TSHZ2: variants seen among roughly 807,000 people sequenced by gnomAD.
TSHZ2 encodes teashirt homolog 2.
In TSHZ2, 21 loss-of-function variants were observed where a neutral mutation model predicts 74.4. The observed-to-expected ratio is 0.28, with a 90% CI of 0.20 to 0.41. The LOEUF (loss-of-function observed/expected upper bound fraction) is 0.41, where lower values mean the gene tolerates loss of function less well. Among genes scored for constraint, TSHZ2 ranks in the 10% least tolerant of loss-of-function variants. TSHZ2 has a pLI of 1.00. For missense variants in TSHZ2, 1,244 were observed against 1,293.5 expected, an observed-to-expected ratio of 0.96 and a Z score of 0.59; for synonymous variants, 540 against 515.3, an observed-to-expected ratio of 1.05 and a Z score of -0.65.
intron 1 of TSHZ2, among the ~76,000 whole-genome samples, chr20:53,183,976 G>A (rs1311653169): frequency 1.3e-5 from 2 of 152,128 alleles, no homozygotes; most frequent in Non-Finnish European, 2.9e-5. Flanking sequence ...AGGGAGTCCT[G>A]CCTGGCAGCA....
chr20:53,018,403 C>T (rs952938237), intron 1 of TSHZ2, among the ~76,000 whole-genome samples: 2 of 152,204 alleles, frequency 1.3e-5, no homozygotes, highest in African/African-American at 2.4e-5. Context: ...AGGTCACCTG[C>T]TCCACTGCTA....
chr20:53,029,868 C>T (rs1983575256), intron 1 of TSHZ2, among the ~76,000 whole-genome samples: 1 of 151,822 alleles, frequency 6.6e-6, no homozygotes, highest in Non-Finnish European at 1.5e-5. Context: ...TTTTTGATAT[C>T]TCCCAATTTT....
intron 1 of TSHZ2, among the ~76,000 whole-genome samples, chr20:53,017,071 A>G (rs1015854192): frequency 2.6e-5 from 4 of 152,178 alleles, no homozygotes; most frequent in Admixed American, 6.5e-5. Flanking sequence ...GAAGAACATT[A>G]GTCATCATCA....
chr20:53,159,049 G>A (rs1987864747), intron 1 of TSHZ2, among the ~76,000 whole-genome samples: 1 of 152,130 alleles, frequency 6.6e-6, no homozygotes, highest in Non-Finnish European at 1.5e-5. Flanking sequence ...AATACGATAG[G>A]TACAAAACAA....
At chr20:53,434,555 G>A (rs1403545347) in intron 2 of TSHZ2, among the ~76,000 whole-genome samples, 1 of 152,226 alleles carries the variant, frequency 6.6e-6, no homozygotes, top group East Asian at 1.9e-4. Context: ...GCCACATGTA[G>A]TCAAGAAAGA....
At chr20:53,010,188 G>A (rs960268708) in intron 1 of TSHZ2, among the ~76,000 whole-genome samples, 2 of 152,126 alleles carry the variant, frequency 1.3e-5, no homozygotes, top group Admixed American at 1.3e-4. Flanking sequence ...ATGGAACCCA[G>A]GAATCTGGAT....
At chr20:53,224,714 G>T (rs1408211601) in intron 1 of TSHZ2, among the ~76,000 whole-genome samples, 1 of 152,082 alleles carries the variant, frequency 6.6e-6, no homozygotes, top group Non-Finnish European at 1.5e-5. Flanking sequence ...GCTGGGTGCG[G>T]TGGTGGACAC....
intron 1 of TSHZ2, among the ~76,000 whole-genome samples, chr20:53,032,879 C>G (rs1190854369): frequency 6.6e-6 from 1 of 152,142 alleles, no homozygotes; most frequent in African/African-American, 2.4e-5. Flanking sequence ...AATACTGGGC[C>G]AGTCACTTCA....
chr20:53,205,460 T>G (rs1311962778), intron 1 of TSHZ2, among the ~76,000 whole-genome samples: 2 of 152,218 alleles, frequency 1.3e-5, no homozygotes, highest in African/African-American at 4.8e-5. Context: ...ATTTGTGACT[T>G]GAAACACATT....
chr20:53,173,777 G>A (rs1394469378), intron 1 of TSHZ2, among the ~76,000 whole-genome samples: 1 of 152,106 alleles, frequency 6.6e-6, no homozygotes, highest in African/African-American at 2.4e-5. Flanking sequence ...GTAAATGCAC[G>A]ATCATGTTCT....
At chr20:52,973,488 C>G (rs1174133172) in intron 1 of TSHZ2, among the ~76,000 whole-genome samples, 155 bp downstream of exon 1, 2 of 152,196 alleles carry the variant, frequency 1.3e-5, no homozygotes, top group African/African-American at 2.4e-5. Context: ...CTCGCCTTCT[C>G]TGGTCTCCCA....
intron 1 of TSHZ2, among the ~76,000 whole-genome samples, chr20:53,046,144 C>G (rs1984221697): frequency 6.6e-6 from 1 of 152,078 alleles, no homozygotes; most frequent in South Asian, 2.1e-4. Flanking sequence ...AAGGGGGCTG[C>G]AGGCAAGAGG....
At chr20:53,050,226 T>A (rs190386833) in intron 1 of TSHZ2, among the ~76,000 whole-genome samples, 4 of 149,086 alleles carry the variant, frequency 2.7e-5, no homozygotes, top group African/African-American at 9.9e-5. Context: ...AATGTTTATA[T>A]ATAGTGGCTA....
Position 53,001,226 on chromosome 20 carries a change from G to GTA in TSHZ2, c.40+27894_40+27895insAT, listed in dbSNP as rs1555813608. The stretch of plus-strand genomic sequence containing the variant: ...TGTGCGTGTGTGTGTGTGTGTGTGT[G>GTA]TGTGTGTGTGTGTGTGTGTGTGTGT... On this transcript the variant is annotated intron_variant, in intron 1 of 2. Coordinates refer to ENST00000371497, the MANE Select transcript of TSHZ2 (RefSeq NM_173485.6). 2.9e-3 allele frequency among the ~76,000 whole-genome samples: 422 copies of GTA among 146,802 alleles called. 2 individuals carry two copies. Among genetic ancestry groups the GTA allele is most frequent in the Middle Eastern group, 7.4e-3 (2 of 272 alleles).
chr20:53,001,262 G>T (rs963333374), intron 1 of TSHZ2, among the ~76,000 whole-genome samples: 1 of 151,142 alleles, frequency 6.6e-6, no homozygotes, highest in Non-Finnish European at 1.5e-5. Flanking sequence ...GTGTTTGGGA[G>T]GGGGTGCTGA....
intron 2 of TSHZ2, among the ~76,000 whole-genome samples, chr20:53,314,723 G>T (rs1456114982): frequency 6.7e-6 from 1 of 149,982 alleles, no homozygotes; most frequent in Non-Finnish European, 1.5e-5. Flanking sequence ...CCGGGTTCAA[G>T]TTATTCTCCT....
chr20:53,349,933 C>T (rs1298308476), intron 2 of TSHZ2, among the ~76,000 whole-genome samples: 1 of 152,142 alleles, frequency 6.6e-6, no homozygotes, highest in Non-Finnish European at 1.5e-5. Context: ...TTCTGGAAGT[C>T]CCAGGGGATT....
chr20:53,329,988 T>C (rs2145545020), intron 2 of TSHZ2, among the ~76,000 whole-genome samples: 1 of 152,336 alleles, frequency 6.6e-6, no homozygotes, highest in African/African-American at 2.4e-5. Context: ...TAAAGTTTTA[T>C]TGGAACACAG....
At chr20:53,291,785 G>C (rs926631467) in intron 2 of TSHZ2, among the ~76,000 whole-genome samples, 9 of 151,472 alleles carry the variant, frequency 5.9e-5, no homozygotes, top group African/African-American at 2.2e-4. Flanking sequence ...AAATCCGCCT[G>C]GCACCTGCCT....
Sources: allele counts gnomAD v4.1 joint callset (sites outside exome capture counted in the v4.1 genomes callset), GRCh38; gene constraint gnomAD v4.1.1; transcripts MANE v1.5; gene names NCBI Gene and HGNC (gene_info 2026-07-23, HGNC 2026-07-21).